The following FGD3 variants were observed in gnomAD, a reference collection of about 807,000 sequenced individuals.
FGD3 encodes FYVE, RhoGEF and PH domain-containing protein 3.
Under a neutral mutation model 71.8 loss-of-function variants are expected in FGD3, and 45 were observed. That is an observed-to-expected ratio of 0.63 (90% CI 0.49 to 0.80). The LOEUF (loss-of-function observed/expected upper bound fraction) is 0.80, where lower values mean the gene tolerates loss of function less well. FGD3 is among the 30% of genes least tolerant of loss of function. FGD3 has a pLI of 0.00. For missense variants in FGD3, 844 were observed against 951.5 expected (o/e 0.89, Z 1.49); for synonymous variants, 378 against 392.8 (o/e 0.96, Z 0.44).
chr9:93,010,398 A>C lies in FGD3; in HGVS notation c.976+14A>C, dbSNP rs768417536. 38 of 1,599,794 alleles carry C rather than the reference A, an allele frequency of 2.4e-5. 1 individual carries two copies. Among genetic ancestry groups the C allele is most frequent in the Non-Finnish European group, 3.2e-5 (38 of 1,169,808 alleles). ...AGGATGCGGAGAGTGAGCTGGGGCC[A>C]AGGGCTCCCAGGAGGGTGCAGGGGC... On this transcript the variant is annotated intron_variant, in intron 7 of 17. Coordinates refer to ENST00000375482, the MANE Select transcript of FGD3 (RefSeq NM_001083536.2).
chr9:92,951,450 G>A (rs886185137), intron 1 of FGD3, among the ~76,000 whole-genome samples: 1 of 152,220 alleles, frequency 6.6e-6, no homozygotes, highest in Non-Finnish European at 1.5e-5. Context: ...GCCGAGATGG[G>A]TGGATGGCTT....
intron 1 of FGD3, among the ~76,000 whole-genome samples, chr9:92,952,016 A>G (rs1858963203): frequency 6.6e-6 from 1 of 152,128 alleles, no homozygotes; most frequent in Non-Finnish European, 1.5e-5. Flanking sequence ...GCTTTTAAAC[A>G]AGTTCCAAAA....
intron 12 of FGD3, 84 bp from the exon 13 acceptor site, chr9:93,020,233 G>C: frequency 2.3e-6 from 3 of 1,328,662 alleles, no homozygotes; most frequent in Non-Finnish European, 3.1e-6. Context: ...GCCCGTCCTC[G>C]GGACAGAGGC....
At chr9:92,962,953 AAAAG>A (rs1337513917) in intron 1 of FGD3, among the ~76,000 whole-genome samples, 5 of 150,266 alleles carry the variant, frequency 3.3e-5, no homozygotes, top group Non-Finnish European at 4.4e-5. Flanking sequence ...AAAAAAAAAA[AAAAG>A]AAAAGAAAAG....
intron 9 of FGD3, among the ~76,000 whole-genome samples, chr9:93,015,015 G>A (rs1439785922): frequency 7.9e-6 from 1 of 126,156 alleles, no homozygotes; most frequent in Non-Finnish European, 1.6e-5. Flanking sequence ...CGCCTGCCCT[G>A]GCAACCATGG....
rs940212248 is a variant in FGD3, at chr9:92,969,452, C to T, written c.-217-5786C>T. Among the ~76,000 whole-genome samples the T allele has an allele frequency of 6.6e-6, 1 of 152,300 alleles. No individual in the cohort carries two copies. The highest frequency in any genetic ancestry group is 1.9e-4 in the East Asian group (1 of 5,186). On this transcript the variant is annotated intron_variant, in intron 1 of 17. Transcript: ENST00000375482. The surrounding 1 kb of genome is among the most constrained non-coding windows in gnomAD (Gnocchi z 4.5). ...TATTTAGGGGAGGGATGTCAGAGTC[C>T]GCTTTTAGATTGAAGTGGCATCAAA...
chr9:92,996,782 C>T (rs1280238844), intron 3 of FGD3, among the ~76,000 whole-genome samples: 2 of 152,088 alleles, frequency 1.3e-5, no homozygotes, highest in African/African-American at 2.4e-5. Flanking sequence ...TGTAGTTGAG[C>T]GGTTTTGAGT....
intron 1 of FGD3, chr9:92,964,334 C>T (rs1402122024): frequency 2.6e-5 from 4 of 152,210 alleles, no homozygotes; most frequent in African/African-American, 9.7e-5. Context: ...AGGAGAAACT[C>T]GCTCGCCTTC....
intron 3 of FGD3, among the ~76,000 whole-genome samples, chr9:92,996,615 G>A (rs1860655342): frequency 6.6e-6 from 1 of 151,882 alleles, no homozygotes; most frequent in Non-Finnish European, 1.5e-5. Flanking sequence ...TGAGCATTTA[G>A]TGCTATAAAT....
At chr9:92,955,310 G>A (rs1197489787) in intron 1 of FGD3, among the ~76,000 whole-genome samples, 5 of 151,976 alleles carry the variant, frequency 3.3e-5, no homozygotes, top group Admixed American at 6.6e-5. Flanking sequence ...TGAGGTGGGC[G>A]GATCACCTGA....
chr9:93,001,066 CA>C (rs1334451400), intron 3 of FGD3, among the ~76,000 whole-genome samples: 1 of 152,052 alleles, frequency 6.6e-6, no homozygotes, highest in Non-Finnish European at 1.5e-5. Context: ...AGTCTGCTGT[CA>C]AACCCCTCTT....
intron 1 of FGD3, among the ~76,000 whole-genome samples, chr9:92,954,434 GGT>G (rs1218697227): frequency 7.2e-5 from 11 of 152,160 alleles, no homozygotes; most frequent in Admixed American, 3.3e-4. Flanking sequence ...TGTGGTTCTC[GGT>G]TCCCAAAAGC....
Position 93,003,028 on chromosome 9 carries a change from C to T in FGD3, c.543+14C>T. On this transcript the variant is annotated intron_variant, in intron 4 of 17. Transcript: ENST00000375482. The surrounding 1 kb of genome is among the most constrained non-coding windows in gnomAD (Gnocchi z 4.1). The stretch of plus-strand genomic sequence containing the variant: ...CTGCTGGACCAGGTAGCCCACATGG[C>T]TTGGGGGCAGTTTCAGTATCTCTTA... 6.2e-7 allele frequency: 1 copy of T among 1,613,196 alleles called. No individual in the cohort carries two copies. Among genetic ancestry groups the T allele is most frequent in the South Asian group, 1.1e-5 (1 of 91,052 alleles).
chr9:92,972,079 A>G (rs550796457), intron 1 of FGD3, among the ~76,000 whole-genome samples: 1 of 151,160 alleles, frequency 6.6e-6, no homozygotes, highest in African/African-American at 2.4e-5. Context: ...AAAACACAGT[A>G]GGTCTTCTGT....
At position 93,015,777 on chromosome 9, in the gene FGD3, T is replaced by C; in HGVS notation, c.1223T>C (p.Leu408Pro). The change falls in exon 10 of 18, where the codon CTC (leucine) becomes CCC (proline). Residue 408 changes from leucine (L) to proline (P), a missense_variant. Coordinates refer to ENST00000375482, the MANE Select transcript of FGD3 (RefSeq NM_001083536.2). ...MILYCVPKLRLMGQKFSVREK... is the reference protein window; with the variant it reads ...MILYCVPKLRPMGQKFSVREK... ...CTTTACTGTGTGCCCAAGCTGCGGC[T>C]CATGGGCCAGAAGTTCAGCGTCCGG... 1.2e-6 allele frequency: 2 copies of C among 1,614,186 alleles called. No homozygotes were observed. The highest frequency in any genetic ancestry group is 8.5e-7 in the Non-Finnish European group (1 of 1,180,030).
intron 1 of FGD3, among the ~76,000 whole-genome samples, chr9:92,971,924 C>G (rs1334470531): frequency 4.8e-5 from 7 of 145,466 alleles, no homozygotes; most frequent in Non-Finnish European, 1.1e-4. Flanking sequence ...TGTAAGCACT[C>G]CCCACCTCCC....
At chr9:93,028,222 A>ACACGCG (rs1554740304) in intron 14 of FGD3, among the ~76,000 whole-genome samples, 1 of 120,704 alleles carries the variant, frequency 8.3e-6, no homozygotes, top group African/African-American at 3.4e-5. Flanking sequence ...ACACACGCAC[A>ACACGCG]CACACACACA....
At chr9:93,015,630 AT>A (rs1861645671) in intron 9 of FGD3, 106 bp from the exon 10 acceptor site, 1 of 717,968 alleles carries the variant, frequency 1.4e-6, no homozygotes, top group African/African-American at 1.8e-5. Flanking sequence ...TTTTCACTTT[AT>A]AACATTAAAA....
chr9:93,025,547 TCAA>T (rs938369759), intron 14 of FGD3, among the ~76,000 whole-genome samples: 7 of 152,206 alleles, frequency 4.6e-5, no homozygotes, highest in African/African-American at 1.7e-4. Context: ...CATTCTCTCA[TCAA>T]CAACAGTGAT....
Sources: allele counts gnomAD v4.1 joint callset (sites outside exome capture counted in the v4.1 genomes callset), GRCh38; gene constraint gnomAD v4.1.1; non-coding constraint Gnocchi (gnomAD v3.1); transcripts MANE v1.5; gene names NCBI Gene and HGNC (gene_info 2026-07-23, HGNC 2026-07-21).